Variants in R3HCC1L observed in about 807,000 individuals in gnomAD.
The protein encoded by R3HCC1L is R3H domain and coiled-coil containing 1 like, also known as coiled-coil domain-containing protein R3HCC1L.
In R3HCC1L, 51 loss-of-function variants were observed where a neutral mutation model predicts 59.9. The ratio of observed to expected loss-of-function variants is 0.85; its 90% confidence interval spans 0.68 to 1.07. R3HCC1L has a LOEUF of 1.07. R3HCC1L is among the 50% of genes least tolerant of loss of function. The probability of loss-of-function intolerance (pLI) is 0.00; values close to 1 mark genes in which losing one functional copy is unlikely to be tolerated. For missense variants in R3HCC1L, 965 were observed against 933.0 expected, an observed-to-expected ratio of 1.03 and a Z score of -0.45; for synonymous variants, 322 against 315.2, an observed-to-expected ratio of 1.02 and a Z score of -0.23.
intron 7 of R3HCC1L, among the ~76,000 whole-genome samples, chr10:98,234,800 T>G (rs1203145867): frequency 6.6e-6 from 1 of 152,188 alleles, no homozygotes; most frequent in African/African-American, 2.4e-5. Context: ...GATTGAAGAA[T>G]CCAATGGGGC....
chr10:98,236,619 G>A (rs1590842024), intron 9 of R3HCC1L, among the ~76,000 whole-genome samples: 2 of 152,348 alleles, frequency 1.3e-5, no homozygotes, highest in South Asian at 2.1e-4. Context: ...GATAACAACT[G>A]TAGGAGGTAT....
chr10:98,231,443 A>T (rs927842463), intron 5 of R3HCC1L, 69 bp from the exon 6 acceptor site: 2 of 1,387,304 alleles, frequency 1.4e-6, no homozygotes, highest in Admixed American at 2.1e-5. Flanking sequence ...GATTGTTTAT[A>T]TATAGGAATA....
chr10:98,150,312 G>T (rs1255224051), intron 1 of R3HCC1L, among the ~76,000 whole-genome samples: 1 of 152,160 alleles, frequency 6.6e-6, no homozygotes, highest in Non-Finnish European at 1.5e-5. Context: ...TCACTTTGCT[G>T]TTAGAGGAGG....
intron 5 of R3HCC1L, 101 bp downstream of exon 5, chr10:98,210,000 G>T: frequency 1.1e-6 from 1 of 908,050 alleles, no homozygotes. Context: ...ATATTTAAGA[G>T]TTCCTGCAAT....
chr10:98,214,023 A>G (rs1853890235), intron 5 of R3HCC1L, among the ~76,000 whole-genome samples: 1 of 152,164 alleles, frequency 6.6e-6, no homozygotes, highest in Admixed American at 6.5e-5. Flanking sequence ...AAACAGAAAG[A>G]GGGAACATTA....
At chr10:98,218,715 CA>C (rs1854509073) in intron 5 of R3HCC1L, among the ~76,000 whole-genome samples, 1 of 152,040 alleles carries the variant, frequency 6.6e-6, no homozygotes, top group Admixed American at 6.6e-5. Context: ...AGTGTAAATC[CA>C]ATGTTTCTCT....
intron 4 of R3HCC1L, among the ~76,000 whole-genome samples, chr10:98,197,508 T>C (rs1382433309): frequency 6.6e-6 from 1 of 152,306 alleles, no homozygotes; most frequent in East Asian, 1.9e-4. Context: ...TGTTGATTGA[T>C]TGATTGTCTT....
intron 9 of R3HCC1L, among the ~76,000 whole-genome samples, chr10:98,241,457 A>T (rs1857526176): frequency 6.6e-6 from 1 of 152,152 alleles, no homozygotes; most frequent in South Asian, 2.1e-4. Context: ...GATTTATTAT[A>T]TTGGAGAATG....
At chr10:98,202,223 G>T (rs1852131170) in intron 4 of R3HCC1L, among the ~76,000 whole-genome samples, 2 of 152,150 alleles carry the variant, frequency 1.3e-5, no homozygotes. Flanking sequence ...TCACAGTAAA[G>T]ATGGAATCAG....
intron 4 of R3HCC1L, among the ~76,000 whole-genome samples, chr10:98,166,995 T>G (rs1407514090): frequency 6.6e-6 from 1 of 152,076 alleles, no homozygotes; most frequent in East Asian, 1.9e-4. Flanking sequence ...ACCCCAGCAG[T>G]GATGTCAATA....
rs200555053 is a variant in R3HCC1L at position 98,209,816 on chromosome 10, G to C, written c.1702G>C (p.Glu568Gln). 228 of 1,613,742 alleles carry C rather than the reference G, an allele frequency of 1.4e-4. No individual in the cohort carries two copies. The highest frequency in any genetic ancestry group is 1.2e-4 in the Admixed American group (7 of 59,990). The change falls in exon 5 of 10, where the codon GAG (glutamate) becomes CAG (glutamine). Residue 568 changes from glutamate (E) to glutamine (Q), a missense_variant. Transcript: ENST00000298999. ...EPKATETSHT[E>Q]GITAIEESWE... Reference sequence around the variant, plus strand: ...AAAAGCAACTGAAACTTCTCACACAGAGGGAATTACTGCCATTGAGGAGAG... The same window carrying C: ...AAAAGCAACTGAAACTTCTCACACACAGGGAATTACTGCCATTGAGGAGAG...
intron 4 of R3HCC1L, among the ~76,000 whole-genome samples, chr10:98,193,987 A>G (rs969639020): frequency 2.0e-5 from 3 of 152,168 alleles, no homozygotes; most frequent in Non-Finnish European, 4.4e-5. Context: ...AAACCATCCT[A>G]AAATTCATAT....
intron 6 of R3HCC1L, 80 bp downstream of exon 6, chr10:98,231,767 GT>G (rs1488626327): frequency 1.5e-6 from 2 of 1,350,620 alleles, no homozygotes; most frequent in African/African-American, 1.5e-5. Context: ...ATCATCTCTT[GT>G]TTTTTATATC....
chr10:98,169,496 G>GATTATT (rs1226482484), intron 4 of R3HCC1L, among the ~76,000 whole-genome samples: 2 of 152,206 alleles, frequency 1.3e-5, no homozygotes, highest in African/African-American at 4.8e-5. Context: ...AATGGTAGCT[G>GATTATT]ATTATTCTTC....
intron 2 of R3HCC1L, among the ~76,000 whole-genome samples, chr10:98,159,955 TTGTA>T (rs1320899600): frequency 1.3e-5 from 2 of 152,234 alleles, no homozygotes; most frequent in Admixed American, 6.5e-5. Context: ...ATGTGTGTGT[TTGTA>T]TGTGTGCACA....
chr10:98,152,950 G>T (rs1846398644), intron 1 of R3HCC1L, among the ~76,000 whole-genome samples: 1 of 150,070 alleles, frequency 6.7e-6, no homozygotes. Context: ...AGAGGTGGGG[G>T]GTCAGCCCCC....
chr10:98,134,864 C>T (rs1844378672), intron 1 of R3HCC1L, among the ~76,000 whole-genome samples, 158 bp downstream of exon 1: 1 of 152,176 alleles, frequency 6.6e-6, no homozygotes, highest in African/African-American at 2.4e-5. Flanking sequence ...CTGCCTGGGG[C>T]GGAGGTTACT....
At chr10:98,241,359 A>G (rs545630050) in intron 9 of R3HCC1L, among the ~76,000 whole-genome samples, 7 of 152,174 alleles carry the variant, frequency 4.6e-5, no homozygotes, top group Admixed American at 3.9e-4. Flanking sequence ...CCCTTTTACA[A>G]TCTTCAACGC....
chr10:98,233,406 A>G (rs1856598065), intron 6 of R3HCC1L, among the ~76,000 whole-genome samples: 2 of 152,212 alleles, frequency 1.3e-5, no homozygotes, highest in African/African-American at 4.8e-5. Flanking sequence ...ATTAATATTG[A>G]TGAACATTGC....
Sources: allele counts gnomAD v4.1 joint callset (sites outside exome capture counted in the v4.1 genomes callset), GRCh38; gene constraint gnomAD v4.1.1; transcripts MANE v1.5; gene names NCBI Gene and HGNC (gene_info 2026-07-23, HGNC 2026-07-21).